VWCE: variants seen among roughly 807,000 people sequenced by gnomAD.
VWCE encodes von Willebrand factor C and EGF domain-containing protein.
Under a neutral mutation model 102.9 loss-of-function variants are expected in VWCE, and 68 were observed. That is an observed-to-expected ratio of 0.66 (90% CI 0.54 to 0.81). The LOEUF is 0.81. VWCE is among the 30% of genes least tolerant of loss of function. The probability of loss-of-function intolerance (pLI) is 0.00; values close to 1 mark genes in which losing one functional copy is unlikely to be tolerated. For missense variants in VWCE, 1,137 were observed against 1,263.6 expected (o/e 0.90, Z 1.52); for synonymous variants, 497 against 515.4 (o/e 0.96, Z 0.48).
chr11:61,292,339 C>T (rs1855532201), intron 1 of VWCE, among the ~76,000 whole-genome samples: 1 of 152,200 alleles, frequency 6.6e-6, no homozygotes, highest in South Asian at 2.1e-4. Flanking sequence ...CCTTCCTTGT[C>T]CACCCTTACC....
intron 6 of VWCE, 49 bp from the exon 7 acceptor site, chr11:61,281,963 C>T (rs1376883601): frequency 2.2e-5 from 35 of 1,584,470 alleles, no homozygotes; most frequent in Non-Finnish European, 2.9e-5. Context: ...GGCTACGGAG[C>T]CCTTCTTCCG....
intron 3 of VWCE, 79 bp from the exon 4 acceptor site, chr11:61,291,006 T>C: frequency 1.3e-6 from 2 of 1,551,312 alleles, no homozygotes; most frequent in Non-Finnish European, 8.7e-7. Context: ...TCCTCCTGAA[T>C]TCTGTTGGGA....
At chr11:61,268,390 C>T (rs1389903926) in intron 15 of VWCE, among the ~76,000 whole-genome samples, 1 of 152,084 alleles carries the variant, frequency 6.6e-6, no homozygotes, top group Non-Finnish European at 1.5e-5. Flanking sequence ...CCCATCTCTA[C>T]TAAAAATACA....
intron 13 of VWCE, 68 bp downstream of exon 13, chr11:61,273,131 G>T: frequency 6.8e-7 from 1 of 1,475,782 alleles, no homozygotes; most frequent in Non-Finnish European, 9.5e-7. Flanking sequence ...AGTCTCAGCA[G>T]CAGGTGAAGC....
Position 61,264,992 on chromosome 11 carries a change from G to A in VWCE, c.2103C>T (p.Thr701=). 1 of 1,614,124 alleles carries A rather than the reference G, an allele frequency of 6.2e-7. No individual in the cohort carries two copies. Among genetic ancestry groups the A allele is most frequent in the African/African-American group, 1.3e-5 (1 of 75,054 alleles). Residue 701 remains threonine, a synonymous_variant, in exon 18 of 20, where the codon ACC becomes ACT. Coordinates refer to ENST00000335613, the MANE Select transcript of VWCE (RefSeq NM_152718.2). ...ACCGGGTGCAGGGTTCATCATCCAA[G>A]GTGAACACCTGGCCATTCGCCACCT... ...GRKVANGQVF[T]LDDEPCTRCT...
chr11:61,276,619 T>C lies in VWCE; in HGVS notation c.1469A>G (p.Gln490Arg). ...CPSGPCQTPP[Q>R]TDCCTCVPVR... is the part of the protein sequence containing the mutation. ...TGGAACACAAGTACAGCAATCCGTC[T>C]GTGGGGGGGTCTGACAGGGGCCAGA... Residue 490 changes from glutamine (Q) to arginine (R), a missense_variant, in exon 11 of 20, where the codon CAG becomes CGG. Gln to Arg is a conservative substitution (Grantham distance 43). Coordinates refer to ENST00000335613, the MANE Select transcript of VWCE (RefSeq NM_152718.2). 1.2e-6 allele frequency: 2 copies of C among 1,601,298 alleles called. No individual in the cohort carries two copies. The highest frequency in any genetic ancestry group is 1.7e-6 in the Non-Finnish European group (2 of 1,174,630).
chr11:61,267,594 A>G, intron 15 of VWCE, 50 bp from the exon 16 acceptor site: 2 of 1,586,674 alleles, frequency 1.3e-6, no homozygotes, highest in Non-Finnish European at 1.7e-6. Context: ...GCCAGGCACC[A>G]GGCTTCCCGC....
chr11:61,259,986 T>TG (rs1441787612), intron 19 of VWCE, among the ~76,000 whole-genome samples: 2 of 152,232 alleles, frequency 1.3e-5, no homozygotes, highest in Non-Finnish European at 2.9e-5. Flanking sequence ...CCAAGCGCAG[T>TG]GGCTCACGCC....
In VWCE at chr11:61,295,095, G is replaced by A. The variant is rs898376983; in HGVS notation, c.-58C>T. 5.3e-6 allele frequency: 6 copies of A among 1,122,390 alleles called. No individual in the cohort carries two copies. The highest frequency in any genetic ancestry group is 1.6e-5 in the African/African-American group (1 of 61,216). 69.5% of individuals were successfully genotyped at this position (1,122,390 alleles called of 1,614,324 possible). A position where few individuals can be genotyped will look rare whatever the true frequency, so the allele number is the denominator to read the frequency against. ...CGGCTCCTGCGCCGCGCGCGGGAGA[G>A]GGGGCTGCCGGCCCTCGCCCCTCCT... On this transcript the variant is annotated 5_prime_UTR_variant, in exon 1 of 20. Transcript: ENST00000335613. The surrounding 1 kb of genome is among the most constrained non-coding windows in gnomAD (Gnocchi z 4.6).
intron 14 of VWCE, among the ~76,000 whole-genome samples, chr11:61,269,703 C>T (rs1423854624): frequency 1.3e-5 from 2 of 152,050 alleles, no homozygotes; most frequent in Non-Finnish European, 2.9e-5. Flanking sequence ...GCCTTGGCCT[C>T]CCAAAGTGCT....
intron 19 of VWCE, among the ~76,000 whole-genome samples, chr11:61,264,151 G>A (rs942662104): frequency 5.3e-5 from 8 of 149,604 alleles, no homozygotes; most frequent in African/African-American, 7.5e-5. Flanking sequence ...GCGTGAACCC[G>A]GGAGGCGGAG....
At position 61,271,771 on chromosome 11, in the gene VWCE, A is replaced by G; in HGVS notation, c.1700-11T>C. On this transcript the variant is annotated splice_polypyrimidine_tract_variant and intron_variant, in intron 13 of 19. Coordinates refer to ENST00000335613, the MANE Select transcript of VWCE (RefSeq NM_152718.2). The stretch of plus-strand genomic sequence containing the variant: ...CGTCAAGAGAGCAGCCTGGATGAGG[A>G]CAATGGCAGAGAAAAGACGGCACAA... 1 of 1,612,340 alleles carries G rather than the reference A, an allele frequency of 6.2e-7. No homozygotes were observed. The highest frequency in any genetic ancestry group is 8.5e-7 in the Non-Finnish European group (1 of 1,179,178).
chr11:61,261,628 G>A (rs2134728408), intron 19 of VWCE, among the ~76,000 whole-genome samples: 1 of 151,588 alleles, frequency 6.6e-6, no homozygotes, highest in Admixed American at 6.6e-5. Flanking sequence ...TCATGGGCTT[G>A]GAAATAAAAC....
intron 19 of VWCE, among the ~76,000 whole-genome samples, chr11:61,262,110 T>G (rs1590607888): frequency 6.6e-6 from 1 of 152,258 alleles, no homozygotes; most frequent in Non-Finnish European, 1.5e-5. Context: ...TGCACCAACA[T>G]GCCCGGCTAA....
At chr11:61,287,971 T>C (rs1015356030) in intron 4 of VWCE, among the ~76,000 whole-genome samples, 1 of 151,524 alleles carries the variant, frequency 6.6e-6, no homozygotes, top group Non-Finnish European at 1.5e-5. Context: ...CTGGCCAACA[T>C]GGTGAAACCC....
intron 9 of VWCE, among the ~76,000 whole-genome samples, chr11:61,279,213 A>C (rs566507586): frequency 1.8e-4 from 27 of 152,164 alleles, no homozygotes; most frequent in Non-Finnish European, 3.5e-4. Flanking sequence ...CCTGGGCAAT[A>C]AAGTACCCAA....
At position 61,278,453 on chromosome 11, in the gene VWCE, G is replaced by T; in HGVS notation, c.1348C>A (p.Arg450=). ...CTGCFHSGVV[R]AEGDVFSPPN... is the part of the protein sequence containing the mutation. Reference sequence around the variant, plus strand: ...GGTGAAAACACATCCCCTTCAGCTCGGACGACACCACTGTGAAAACAGCCT... The same window carrying T: ...GGTGAAAACACATCCCCTTCAGCTCTGACGACACCACTGTGAAAACAGCCT... Residue 450 remains arginine (R), a synonymous_variant, in exon 10 of 20, where the codon CGA becomes AGA. Coordinates refer to ENST00000335613, the MANE Select transcript of VWCE (RefSeq NM_152718.2). 6.2e-7 allele frequency: 1 copy of T among 1,614,088 alleles called. No individual in the cohort carries two copies. The highest frequency in any genetic ancestry group is 8.5e-7 in the Non-Finnish European group (1 of 1,180,008).
chr11:61,280,818 G>A lies in VWCE; in HGVS notation c.1205C>T (p.Pro402Leu). The change falls in exon 8 of 20, where the codon CCT (proline) becomes CTT (leucine). Residue 402 changes from proline to leucine, a missense_variant. By Grantham distance (98) the Pro-to-Leu change is moderately conservative. This residue lies in a region of VWCE where 575 missense variants were observed against 625.9 expected (regional missense o/e 0.92). Coordinates refer to ENST00000335613, the MANE Select transcript of VWCE (RefSeq NM_152718.2). ...CTCGCACCAGCACTGGGAACACCCA[G>A]GCTCTGTCCAGCGACTCCTTGATTC... ...MHESRSRWTE[P>L]GCSQCWCEDG... The A allele has an allele frequency of 6.3e-7, 1 of 1,577,182 alleles. No individual in the cohort carries two copies. Among genetic ancestry groups the A allele is most frequent in the Non-Finnish European group, 8.6e-7 (1 of 1,162,358 alleles).
Position 61,258,757 on chromosome 11 carries a change from G to A in VWCE, c.2786C>T (p.Ser929Phe), listed in dbSNP as rs779491901. The A allele has an allele frequency of 1.0e-5, 15 of 1,434,942 alleles. No individual in the cohort carries two copies. The highest frequency in any genetic ancestry group is 1.3e-5 in the Non-Finnish European group (14 of 1,092,780). The allele number at this position is 1,434,942 out of a possible 1,614,324, so 88.9% of individuals were successfully genotyped here. A position where few individuals can be genotyped will look rare whatever the true frequency, so the allele number is the denominator to read the frequency against. ...GTGGGTGGTGGCTGCAAGGGCTGTG[G>A]AGAGTCTAGAGGTGGTGGGAGAAAG... ...RVLSPTTSRL[S>F]TALAATTHPG... Residue 929 changes from serine (S) to phenylalanine (F), a missense_variant, in exon 20 of 20, where the codon TCC becomes TTC. This residue lies in a region of VWCE where 316 missense variants were observed against 319.3 expected (regional missense o/e 0.99). Coordinates refer to ENST00000335613, the MANE Select transcript of VWCE (RefSeq NM_152718.2).
Sources: gnomAD v4.1 joint callset for allele counts (sites outside exome capture counted in the v4.1 genomes callset) on GRCh38, gnomAD v4.1.1 for gene constraint, gnomAD v4.1.1 regional missense constraint, Gnocchi (gnomAD v3.1) non-coding constraint, MANE v1.5 for transcripts, NCBI Gene and HGNC (gene_info 2026-07-23, HGNC 2026-07-21) for gene names.